Variants in MYH15 observed in about 807,000 individuals in gnomAD.
MYH15 encodes the protein myosin heavy chain 15, also known as myosin-15.
A neutral mutation model predicts 240.5 loss-of-function variants in MYH15; 227 were observed. The observed-to-expected ratio is 0.94, with a 90% CI of 0.85 to 1.05. The LOEUF (loss-of-function observed/expected upper bound fraction) is 1.05. Among genes scored for constraint, MYH15 ranks in the 50% least tolerant of loss-of-function variants. The probability of loss-of-function intolerance (pLI) is 0.00; values close to 1 mark genes in which losing one functional copy is unlikely to be tolerated. For synonymous variants in MYH15, 785 were observed against 796.7 expected (o/e 0.99, Z 0.25); for missense variants, 2,217 against 2,247.5 (o/e 0.99, Z 0.27).
chr3:108,523,917 A>C (rs1289771051), intron 1 of MYH15, among the ~76,000 whole-genome samples: 2 of 148,014 alleles, frequency 1.4e-5, no homozygotes, highest in Non-Finnish European at 2.9e-5. Context: ...TGATTCTATG[A>C]TATTTCACAT....
At chr3:108,527,094 C>A (rs1283519611) in intron 1 of MYH15, among the ~76,000 whole-genome samples, 6 of 152,132 alleles carry the variant, frequency 3.9e-5, no homozygotes, top group African/African-American at 1.4e-4. Flanking sequence ...CCATGTGTCA[C>A]TCCCAGAGTT....
chr3:108,441,375 T>C lies in MYH15; in HGVS notation c.2656-115A>G. On this transcript the variant is annotated intron_variant, in intron 22 of 40. Coordinates refer to ENST00000693548, the MANE Select transcript of MYH15 (RefSeq NM_014981.3). ...ATTGCCTGCCCTCTGCCCAGCACTT[T>C]CACCTACCTTTCCTAAACAGCTGCA... 5 of 1,168,362 alleles carry C rather than the reference T, an allele frequency of 4.3e-6. No homozygotes were observed. In the Admixed American group the frequency reaches 1.0e-4, roughly 24 times the overall value. The allele number at this position is 1,168,362 out of a possible 1,614,324, so 72.4% of individuals were successfully genotyped here. A position where few individuals can be genotyped will look rare whatever the true frequency, so the allele number is the denominator to read the frequency against.
the MYH15 span, among the ~76,000 whole-genome samples, chr3:108,541,721 GTCT>G: frequency 1.3e-5 from 2 of 151,998 alleles, no homozygotes; most frequent in South Asian, 4.1e-4. Flanking sequence ...TAACTGCAAT[GTCT>G]TCATTATAGC....
chr3:108,426,350 CCA>C (rs1461891644), intron 27 of MYH15, among the ~76,000 whole-genome samples: 1 of 152,056 alleles, frequency 6.6e-6, no homozygotes, highest in African/African-American at 2.4e-5. Context: ...GCTGCCCCAC[CCA>C]CAAAGGCCCA....
chr3:108,395,377 A>G (rs1195338540), intron 35 of MYH15, among the ~76,000 whole-genome samples: 3 of 152,218 alleles, frequency 2.0e-5, no homozygotes, highest in Non-Finnish European at 4.4e-5. Flanking sequence ...TTTTGTCCTT[A>G]TGGAAAGCCA....
intron 30 of MYH15, among the ~76,000 whole-genome samples, chr3:108,411,444 G>A (rs143929793): frequency 9.9e-5 from 15 of 152,106 alleles, no homozygotes; most frequent in African/African-American, 1.4e-4. Flanking sequence ...TCTTCTCTCC[G>A]AGTTTGTTCT....
intron 6 of MYH15, among the ~76,000 whole-genome samples, chr3:108,496,692 G>T (rs560503978): frequency 6.6e-6 from 1 of 150,378 alleles, no homozygotes; most frequent in Non-Finnish European, 1.5e-5. Context: ...ATAAGTTAGA[G>T]AACATTATAT....
At chr3:108,534,069 G>C (rs557839140), upstream of MYH15, among the ~76,000 whole-genome samples, 163 of 152,240 alleles carry the variant, frequency 1.1e-3, no homozygotes, top group African/African-American at 3.8e-3. Context: ...TTCCATTCAT[G>C]GGTCACTACC....
chr3:108,403,496 C>CTTTTTTTTTT (rs34668097), intron 33 of MYH15, among the ~76,000 whole-genome samples: 1 of 133,432 alleles, frequency 7.5e-6, no homozygotes, highest in African/African-American at 2.8e-5. Flanking sequence ...TTGTGTTTGG[C>CTTTTTTTTTT]TTTTTTTTTT....
At chr3:108,518,790 G>C (rs1344597014) in intron 1 of MYH15, among the ~76,000 whole-genome samples, 2 of 152,176 alleles carry the variant, frequency 1.3e-5, no homozygotes, top group East Asian at 3.9e-4. Flanking sequence ...ATTTCTACAA[G>C]AAGGTATTCT....
chr3:108,410,762 A>C lies in MYH15; in HGVS notation c.4316T>G (p.Leu1439Arg), dbSNP rs2082585814. Residue 1439 changes from leucine (L) to arginine (R), a missense_variant, in exon 31 of 41, where the codon CTG (leucine) becomes CGG (arginine). Physicochemically the swap from Leu to Arg is moderately radical, Grantham distance 102. Transcript: ENST00000693548. ...GTCGGCAAGGGCCTTGCCAGACTGC[A>C]GCTGCTTCTGGTCCAGCCTGGCTGC... is the stretch of plus-strand genomic sequence containing the variant. ...SAAARLDQKQLQSGKALADWK... is the reference protein window; with the variant it reads ...SAAARLDQKQRQSGKALADWK... 1 of 1,614,002 alleles carries C rather than the reference A, an allele frequency of 6.2e-7. No individual in the cohort carries two copies. The highest frequency in any genetic ancestry group is 1.7e-5 in the Admixed American group (1 of 60,010).
chr3:108,461,166 A>G (rs2083068637), intron 16 of MYH15, among the ~76,000 whole-genome samples: 1 of 152,212 alleles, frequency 6.6e-6, no homozygotes, highest in South Asian at 2.1e-4. Context: ...GTAGCTGTCA[A>G]TATGGAAAAC....
chr3:108,486,408 A>C lies in MYH15; in HGVS notation c.975+15T>G. ...GCCATTACCAGATTTTGCTTTGACA[A>C]CTAACAAGCCTTACTTCTGTGGCCA... On this transcript the variant is annotated intron_variant, in intron 10 of 40. Transcript: ENST00000693548. 1 of 1,591,876 alleles carries C rather than the reference A, an allele frequency of 6.3e-7. No homozygotes were observed. Among genetic ancestry groups the C allele is most frequent in the Non-Finnish European group, 8.6e-7 (1 of 1,162,302 alleles).
intron 21 of MYH15, among the ~76,000 whole-genome samples, chr3:108,445,136 G>C (rs1464928155): frequency 1.3e-5 from 2 of 152,168 alleles, no homozygotes; most frequent in African/African-American, 2.4e-5. Flanking sequence ...AACATTCTTT[G>C]AATGAGAGCT....
chr3:108,477,986 C>T lies in MYH15; in HGVS notation c.1115-1471G>A, dbSNP rs558675456. Among the ~76,000 whole-genome samples, 7 of 152,198 alleles carry T rather than the reference C, an allele frequency of 4.6e-5. No homozygotes were observed. The South Asian group carries it at 1.0e-3, about 23-fold the overall frequency. On this transcript the variant is annotated intron_variant, in intron 11 of 40. Transcript: ENST00000693548. ...TCCACTCATCCAAAACCCCTCTCTG[C>T]TTTCTATTTTAAAGGAATTTGGAGA...
At chr3:108,402,763 C>T (rs955393069) in intron 33 of MYH15, among the ~76,000 whole-genome samples, 3 of 152,206 alleles carry the variant, frequency 2.0e-5, no homozygotes, top group Non-Finnish European at 4.4e-5. Flanking sequence ...AACATTTCCT[C>T]CAATCAGAGA....
chr3:108,440,880 A>G lies in MYH15; in HGVS notation c.2898+138T>C, dbSNP rs2082878910. ...TTTATCAGACTCTATATTTTGTGCC[A>G]GTTCTGACTCTCAATGCTGTAAAGT... is the stretch of plus-strand genomic sequence containing the variant. On this transcript the variant is annotated intron_variant, in intron 23 of 40. Coordinates refer to ENST00000693548, the MANE Select transcript of MYH15 (RefSeq NM_014981.3). 3 of 1,007,452 alleles carry G rather than the reference A, an allele frequency of 3.0e-6. No individual in the cohort carries two copies. In the Admixed American group the frequency reaches 6.5e-5, roughly 22 times the overall value. 62.4% of individuals were successfully genotyped at this position (1,007,452 alleles called of 1,614,324 possible). A position where few individuals can be genotyped will look rare whatever the true frequency, so the allele number is the denominator to read the frequency against.
At chr3:108,521,443 C>T (rs187869892) in intron 1 of MYH15, among the ~76,000 whole-genome samples, 2 of 151,586 alleles carry the variant, frequency 1.3e-5, no homozygotes, top group South Asian at 2.1e-4. Context: ...ATAGTTCATG[C>T]GATCAGTTCT....
At chr3:108,428,919 TGTAGCAAG>T (rs780845689) in intron 26 of MYH15, 38 bp from the exon 27 acceptor site, 5 of 1,546,674 alleles carry the variant, frequency 3.2e-6, no homozygotes, top group Non-Finnish European at 3.5e-6. Context: ...ACTAAGCACT[TGTAGCAAG>T]AGCTTTACTC....
Sources: gnomAD v4.1 joint callset for allele counts (sites outside exome capture counted in the v4.1 genomes callset) on GRCh38, gnomAD v4.1.1 for gene constraint, MANE v1.5 for transcripts, NCBI Gene and HGNC (gene_info 2026-07-23, HGNC 2026-07-21) for gene names.